The following LRMDA variants were observed in gnomAD, a reference collection of about 807,000 sequenced individuals.
LRMDA encodes the protein leucine rich melanocyte differentiation associated, also known as leucine-rich melanocyte differentiation-associated protein.
In LRMDA, 18 loss-of-function variants were observed where a neutral mutation model predicts 29.8. The observed-to-expected ratio is 0.60, with a 90% CI of 0.42 to 0.90. The LOEUF (loss-of-function observed/expected upper bound fraction) is 0.90, where lower values mean the gene tolerates loss of function less well. Among genes scored for constraint, LRMDA ranks in the 40% least tolerant of loss-of-function variants. The pLI is 0.00. For missense variants in LRMDA, 273 were observed against 273.9 expected (o/e 1.00, Z 0.02); for synonymous variants, 125 against 109.4 (o/e 1.14, Z -0.89).
At chr10:76,288,339 G>T (rs757787593) in intron 5 of LRMDA, among the ~76,000 whole-genome samples, 3 of 152,072 alleles carry the variant, frequency 2.0e-5, no homozygotes, top group Non-Finnish European at 2.9e-5. Flanking sequence ...ATGCACGTGT[G>T]TGTTCATCTC....
intron 5 of LRMDA, among the ~76,000 whole-genome samples, chr10:76,233,274 T>C (rs116062970): frequency 0.014 from 2,126 of 152,380 alleles, 48 homozygotes; most frequent in African/African-American, 0.044. Flanking sequence ...GTCTGTGAGG[T>C]GTATGATAAC....
At chr10:75,952,579 G>GT (rs1462101185) in intron 2 of LRMDA, among the ~76,000 whole-genome samples, 1 of 152,120 alleles carries the variant, frequency 6.6e-6, no homozygotes, top group African/African-American at 2.4e-5. Context: ...ACTTTTTTGA[G>GT]TAGAGGCCTC....
intron 2 of LRMDA, among the ~76,000 whole-genome samples, chr10:75,946,139 T>G (rs1369145778): frequency 1.3e-5 from 2 of 152,202 alleles, no homozygotes; most frequent in East Asian, 1.9e-4. Context: ...GGGCCATTAC[T>G]GGACTGCTTT....
At chr10:76,354,177 T>C (rs552665051) in intron 6 of LRMDA, among the ~76,000 whole-genome samples, 104 of 152,216 alleles carry the variant, frequency 6.8e-4, no homozygotes, top group Middle Eastern at 3.4e-3. Flanking sequence ...GGGTATAATA[T>C]TAAAGGACTT....
chr10:75,479,507 A>T (rs79002233), intron 2 of LRMDA, among the ~76,000 whole-genome samples: 1 of 5,444 alleles, frequency 1.8e-4, no homozygotes, highest in Non-Finnish European at 8.5e-4. Context: ...ACTCTGTCTA[A>T]AAAAAAAAAA....
intron 5 of LRMDA, among the ~76,000 whole-genome samples, chr10:76,168,215 T>C (rs1378122562): frequency 3.3e-5 from 5 of 152,192 alleles, no homozygotes; most frequent in African/African-American, 9.6e-5. Flanking sequence ...CTTTGAATTA[T>C]ATAATTTCTC....
At chr10:75,521,913 C>T (rs1386917463) in intron 2 of LRMDA, among the ~76,000 whole-genome samples, 1 of 152,170 alleles carries the variant, frequency 6.6e-6, no homozygotes, top group Non-Finnish European at 1.5e-5. Flanking sequence ...ACTCAGAGTA[C>T]TGAAGGGAGG....
chr10:75,485,440 A>C (rs1424164049), intron 2 of LRMDA, among the ~76,000 whole-genome samples: 2 of 152,076 alleles, frequency 1.3e-5, no homozygotes, highest in African/African-American at 4.8e-5. Flanking sequence ...TCTGTCACCC[A>C]GGCTAGAGTG....
At chr10:75,712,690 T>C (rs1842451072) in intron 2 of LRMDA, among the ~76,000 whole-genome samples, 1 of 152,218 alleles carries the variant, frequency 6.6e-6, no homozygotes, top group Admixed American at 6.5e-5. Flanking sequence ...TACTGCTAAC[T>C]GAACACCCAA....
intron 2 of LRMDA, among the ~76,000 whole-genome samples, chr10:75,931,342 T>G (rs773709083): frequency 6.6e-6 from 1 of 152,180 alleles, no homozygotes; most frequent in Non-Finnish European, 1.5e-5. Flanking sequence ...TGCCTGAACA[T>G]ATAAATAACT....
intron 5 of LRMDA, among the ~76,000 whole-genome samples, chr10:76,254,300 T>TACCATACCATACC (rs1852541192): frequency 2.2e-4 from 20 of 90,624 alleles, no homozygotes; most frequent in Non-Finnish European, 3.2e-4. Flanking sequence ...TATACTATAC[T>TACCATACCATACC]ATACCATACC....
intron 5 of LRMDA, among the ~76,000 whole-genome samples, chr10:76,184,978 A>C (rs1851122037): frequency 6.6e-6 from 1 of 152,192 alleles, no homozygotes; most frequent in African/African-American, 2.4e-5. Context: ...GCAATGTATT[A>C]AATATTCTCT....
At chr10:75,507,090 C>T (rs893099883) in intron 2 of LRMDA, among the ~76,000 whole-genome samples, 1 of 150,432 alleles carries the variant, frequency 6.6e-6, no homozygotes, top group Non-Finnish European at 1.5e-5. Flanking sequence ...CAGCAGTGTA[C>T]AAGCCTTGTG....
Position 76,331,235 on chromosome 10 carries a change from C to T in LRMDA, c.601+6750C>T, listed in dbSNP as rs1840901103. 5.3e-5 allele frequency among the ~76,000 whole-genome samples: 8 copies of T among 152,262 alleles called. No individual in the cohort carries two copies. In the South Asian group the frequency reaches 1.7e-3, roughly 32 times the overall value. Reference sequence around the variant, plus strand: ...GCAGTGAGTGGAGATCGTGCCACTGCACTCCAGCCTGGGCGACCAAGTGAG... The same window carrying T: ...GCAGTGAGTGGAGATCGTGCCACTGTACTCCAGCCTGGGCGACCAAGTGAG... On this transcript the variant is annotated intron_variant, in intron 6 of 6. Transcript: ENST00000611255.
At chr10:75,488,009 A>T (rs1844935819) in intron 2 of LRMDA, among the ~76,000 whole-genome samples, 1 of 152,186 alleles carries the variant, frequency 6.6e-6, no homozygotes, top group Non-Finnish European at 1.5e-5. Flanking sequence ...GTATCAACTC[A>T]TGTGTCAGTT....
At chr10:76,319,266 A>G (rs979752083) in intron 5 of LRMDA, 1 of 152,218 alleles carries the variant, frequency 6.6e-6, no homozygotes, top group African/African-American at 2.4e-5. Context: ...ATTATCATGA[A>G]TTGACTTCTT....
At chr10:75,883,919 T>A (rs1406942336) in intron 2 of LRMDA, among the ~76,000 whole-genome samples, 2 of 151,684 alleles carry the variant, frequency 1.3e-5, no homozygotes, top group African/African-American at 4.8e-5. Context: ...AAAGAAAAAT[T>A]CTCACTGTAG....
intron 6 of LRMDA, among the ~76,000 whole-genome samples, chr10:76,412,045 G>A (rs1352025939): frequency 6.6e-6 from 1 of 152,196 alleles, no homozygotes; most frequent in African/African-American, 2.4e-5. Flanking sequence ...GTTTGGTTTT[G>A]ATGAGACCAA....
intron 2 of LRMDA, among the ~76,000 whole-genome samples, chr10:75,750,866 A>C (rs1842957699): frequency 6.7e-6 from 1 of 150,190 alleles, no homozygotes; most frequent in Admixed American, 6.6e-5. Context: ...CTCACATCCC[A>C]GATGATGGGC....
Sources: gnomAD v4.1 joint callset for allele counts (sites outside exome capture counted in the v4.1 genomes callset) on GRCh38, gnomAD v4.1.1 for gene constraint, MANE v1.5 for transcripts, NCBI Gene and HGNC (gene_info 2026-07-23, HGNC 2026-07-21) for gene names.